Variants in POU2F3 observed in about 807,000 individuals in gnomAD.
POU2F3 encodes the protein POU domain, class 2, transcription factor 3.
POU2F3 carries 23 observed loss-of-function variants against 59.2 expected under a neutral mutation model. That is an observed-to-expected ratio of 0.39 (90% confidence interval 0.28 to 0.55). POU2F3 has a LOEUF of 0.55. Ranked by LOEUF, POU2F3 falls within the 20% of genes least tolerant of loss-of-function variation. The pLI is 0.66. For missense variants in POU2F3, 473 were observed against 544.5 expected (o/e 0.87, Z 1.31); for synonymous variants, 190 against 214.6 (o/e 0.89, Z 1.00).
intron 3 of POU2F3, among the ~76,000 whole-genome samples, chr11:120,284,065 G>A (rs1459162910): frequency 2.0e-5 from 3 of 152,028 alleles, no homozygotes; most frequent in African/African-American, 7.3e-5. Flanking sequence ...TGTAATCCCA[G>A]CTACTTGGGA....
At chr11:120,261,476 A>G (rs758253347) in intron 2 of POU2F3, among the ~76,000 whole-genome samples, 4 of 152,168 alleles carry the variant, frequency 2.6e-5, no homozygotes, top group Non-Finnish European at 5.9e-5. Flanking sequence ...CCAGGGGTCC[A>G]TGAGAACCAA....
chr11:120,309,116 C>T (rs1941585668), intron 9 of POU2F3, among the ~76,000 whole-genome samples: 1 of 152,136 alleles, frequency 6.6e-6, no homozygotes, highest in African/African-American at 2.4e-5. Flanking sequence ...AGACAGCCTA[C>T]ATCTATGGAG....
intron 10 of POU2F3, among the ~76,000 whole-genome samples, chr11:120,313,487 T>C (rs772288821): frequency 2.0e-5 from 3 of 152,220 alleles, no homozygotes; most frequent in Admixed American, 6.5e-5. Flanking sequence ...ATCCTATCTT[T>C]GGGTCTCATT....
intron 3 of POU2F3, among the ~76,000 whole-genome samples, chr11:120,296,748 T>A (rs930306637): frequency 6.6e-6 from 1 of 152,254 alleles, no homozygotes; most frequent in African/African-American, 2.4e-5. Flanking sequence ...TATGGCTGCA[T>A]AGTATTCCAT....
Position 120,246,442 on chromosome 11 carries a change from C to T in POU2F3, c.29-7C>T. 6.2e-7 allele frequency: 1 copy of T among 1,613,578 alleles called. No individual in the cohort carries two copies. Among genetic ancestry groups the T allele is most frequent in the Non-Finnish European group, 8.5e-7 (1 of 1,179,824 alleles). On this transcript the variant is annotated splice_polypyrimidine_tract_variant and splice_region_variant and intron_variant, in intron 1 of 12. Coordinates refer to ENST00000543440, the MANE Select transcript of POU2F3 (RefSeq NM_014352.4). ...TGTTATTAAAATCAGTTGTGTTTTC[C>T]CTGCAGATATCAAGATGAGTGGGGA... is the stretch of plus-strand genomic sequence containing the variant.
chr11:120,274,492 G>A (rs942065065), intron 3 of POU2F3, among the ~76,000 whole-genome samples: 1 of 152,214 alleles, frequency 6.6e-6, no homozygotes, highest in Non-Finnish European at 1.5e-5. Context: ...GCAAAGAAGA[G>A]GGATGAGTTA....
Position 120,318,936 on chromosome 11 carries a change from A to G in POU2F3, c.*544A>G, listed in dbSNP as rs1007300495. ...AGTTTTCTGATGGAATCTTCATCTC[A>G]CCCCATTTTCTTTTTAACCTCGCCC... On this transcript the variant is annotated 3_prime_UTR_variant, in exon 13 of 13. Coordinates refer to ENST00000543440, the MANE Select transcript of POU2F3 (RefSeq NM_014352.4). 3 of 152,168 alleles carry G rather than the reference A, an allele frequency of 2.0e-5. No individual in the cohort carries two copies. The highest frequency in any genetic ancestry group is 7.3e-5 in the African/African-American group (3 of 41,340). The allele number at this position is 152,168 out of a possible 1,614,324, so 9.4% of individuals were successfully genotyped here. A position where few individuals can be genotyped will look rare whatever the true frequency, so the allele number is the denominator to read the frequency against.
chr11:120,296,348 A>G (rs4142654), intron 3 of POU2F3, among the ~76,000 whole-genome samples: 12,246 of 152,280 alleles, frequency 0.08, 1,549 homozygotes, highest in East Asian at 0.66. Context: ...CCTCAGTCTC[A>G]AATGTTAGTA....
chr11:120,313,698 A>G (rs983623736), intron 10 of POU2F3, among the ~76,000 whole-genome samples: 1 of 152,232 alleles, frequency 6.6e-6, no homozygotes, highest in African/African-American at 2.4e-5. Context: ...CGCACTGACC[A>G]AATACATTAT....
chr11:120,317,674 G>A (rs188218593), intron 12 of POU2F3, among the ~76,000 whole-genome samples: 9 of 152,240 alleles, frequency 5.9e-5, no homozygotes, highest in Admixed American at 5.9e-4. Context: ...CCTTTGCTGG[G>A]CTTCATGGGA....
chr11:120,251,468 C>T (rs182796769), intron 2 of POU2F3, among the ~76,000 whole-genome samples: 3 of 152,304 alleles, frequency 2.0e-5, no homozygotes, highest in African/African-American at 4.8e-5. Flanking sequence ...ATTTCTTCAT[C>T]GTAATAGAAG....
chr11:120,270,554 G>C (rs903679200), intron 3 of POU2F3, among the ~76,000 whole-genome samples: 1 of 152,106 alleles, frequency 6.6e-6, no homozygotes, highest in Non-Finnish European at 1.5e-5. Context: ...AAGGAAAAGG[G>C]CTGCATTGGG....
In POU2F3 at chr11:120,299,692, G is replaced by A; in HGVS notation, c.327G>A (p.Gln109=). 1 of 1,613,622 alleles carries A rather than the reference G, an allele frequency of 6.2e-7. No individual in the cohort carries two copies. The highest frequency in any genetic ancestry group is 1.1e-5 in the South Asian group (1 of 91,084). Residue 109 remains glutamine, a synonymous_variant, in exon 5 of 13, where the codon CAG becomes CAA. Transcript: ENST00000543440. ...CCGGCCACTTACAGTCTGTATCCCA[G>A]TTCCTGCTATCTCAGACCCAGCCTG... is the stretch of plus-strand genomic sequence containing the variant. ...LVPGHLQSVS[Q]FLLSQTQPGQ...
chr11:120,300,120 G>A (rs1263894964), intron 5 of POU2F3, among the ~76,000 whole-genome samples: 2 of 152,226 alleles, frequency 1.3e-5, no homozygotes, highest in African/African-American at 2.4e-5. Flanking sequence ...CTTCCTGGAA[G>A]CCTGGCTGTG....
At chr11:120,238,274 T>A (rs1334205716), upstream of POU2F3, among the ~76,000 whole-genome samples, 1 of 151,884 alleles carries the variant, frequency 6.6e-6, no homozygotes, top group East Asian at 1.9e-4. Context: ...AAGAAGAAGT[T>A]TCTCTCCTCC....
intron 3 of POU2F3, among the ~76,000 whole-genome samples, chr11:120,288,040 T>C (rs1472423143): frequency 1.4e-5 from 2 of 144,966 alleles, no homozygotes; most frequent in East Asian, 2.0e-4. Flanking sequence ...ATAAACTTGA[T>C]TGTGAGAAAG....
At chr11:120,254,821 A>C (rs1160509201) in intron 2 of POU2F3, 1 of 152,040 alleles carries the variant, frequency 6.6e-6, no homozygotes, top group African/African-American at 2.4e-5. Context: ...CAAAGTGCCC[A>C]CCTGGGCTCT....
At chr11:120,291,884 C>G (rs1565378983) in intron 3 of POU2F3, among the ~76,000 whole-genome samples, 1 of 151,176 alleles carries the variant, frequency 6.6e-6, no homozygotes, top group Non-Finnish European at 1.5e-5. Context: ...TCTTGGCTTA[C>G]TGCAAGCTCC....
rs1038884090 is a variant in POU2F3 at position 120,319,868 on chromosome 11, T to C, written c.*1476T>C. ...AATGGTAACTTAAAAAAAAAAAGACTACATGTCTAGGAAACTGTTGAGATT... is the reference window on the plus strand; with the variant it reads ...AATGGTAACTTAAAAAAAAAAAGACCACATGTCTAGGAAACTGTTGAGATT... On this transcript the variant is annotated 3_prime_UTR_variant, in exon 13 of 13. Transcript: ENST00000543440. 2 of 152,278 alleles carry C rather than the reference T, an allele frequency of 1.3e-5. No homozygotes were observed. The highest frequency in any genetic ancestry group is 2.9e-5 in the Non-Finnish European group (2 of 67,944). The allele number at this position is 152,278 out of a possible 1,614,324, so 9.4% of individuals were successfully genotyped here. A position where few individuals can be genotyped will look rare whatever the true frequency, so the allele number is the denominator to read the frequency against.
Sources: gnomAD v4.1 joint callset for allele counts (sites outside exome capture counted in the v4.1 genomes callset) on GRCh38, gnomAD v4.1.1 for gene constraint, MANE v1.5 for transcripts, NCBI Gene and HGNC (gene_info 2026-07-23, HGNC 2026-07-21) for gene names.